PTBP3: variants seen among roughly 807,000 people sequenced by gnomAD.
The protein encoded by PTBP3 is polypyrimidine tract-binding protein 3.
Under a neutral mutation model 58.7 loss-of-function variants are expected in PTBP3, and 20 were observed. The observed-to-expected ratio is 0.34, with a 90% confidence interval of 0.24 to 0.50. PTBP3 has a LOEUF of 0.50. PTBP3 is among the 20% of genes least tolerant of loss of function. PTBP3 has a pLI of 0.98. For synonymous variants in PTBP3, 185 were observed against 219.8 expected (o/e 0.84, Z 1.40); for missense variants, 509 against 637.2 (o/e 0.80, Z 2.17).
At position 112,262,770 on chromosome 9, in the gene PTBP3, C is replaced by G. The variant is rs146274042; in HGVS notation, c.352-171G>C. On this transcript the variant is annotated intron_variant, in intron 4 of 13. Coordinates refer to ENST00000374257, the MANE Select transcript of PTBP3 (RefSeq NM_001163788.4). ...TTGTAATCAGTCAACAGTCAAACAC[C>G]TCCCTGCATACCACAATGACACAGT... 2.2e-3 allele frequency among the ~76,000 whole-genome samples: 341 copies of G among 152,334 alleles called. 1 individual carries two copies. Among genetic ancestry groups the G allele is most frequent in the Middle Eastern group, 3.4e-3 (1 of 294 alleles).
At chr9:112,359,488 T>C in the PTBP3 span, among the ~76,000 whole-genome samples, 1 of 150,690 alleles carries the variant, frequency 6.6e-6, no homozygotes, top group African/African-American at 2.4e-5. Flanking sequence ...GAAAGATGTT[T>C]ATAATATACT....
chr9:112,362,969 G>T, the PTBP3 span: 1 of 253,970 alleles, frequency 3.9e-6, no homozygotes, highest in South Asian at 5.2e-5. Context: ...GACTTGGAAG[G>T]GCTGCTGACA....
chr9:112,344,399 G>T, the PTBP3 span, among the ~76,000 whole-genome samples: 1 of 152,084 alleles, frequency 6.6e-6, no homozygotes, highest in East Asian at 1.9e-4. Flanking sequence ...CACAAGAACA[G>T]GTTGTTATAA....
chr9:112,353,884 G>A, the PTBP3 span, among the ~76,000 whole-genome samples: 115 of 152,078 alleles, frequency 7.6e-4, no homozygotes, highest in African/African-American at 2.7e-3. Flanking sequence ...CTTGAACCCA[G>A]GAGGTAGAGG....
intron 2 of PTBP3, among the ~76,000 whole-genome samples, chr9:112,296,111 G>A (rs779336015): frequency 1.3e-5 from 2 of 152,114 alleles, no homozygotes; most frequent in Non-Finnish European, 2.9e-5. Flanking sequence ...TGTGGGTCAG[G>A]GAAGCTAAAA....
chr9:112,367,962 G>A, the PTBP3 span, among the ~76,000 whole-genome samples: 36 of 152,096 alleles, frequency 2.4e-4, no homozygotes, highest in Non-Finnish European at 4.0e-4. Flanking sequence ...CATGATTCCT[G>A]TAGGCTTTCT....
In PTBP3 at chr9:112,222,041, CCTACAGGCTCAGCCTGTAGCTGGGA is replaced by C. The variant is rs1834825731; in HGVS notation, c.*1785_*1809del. On this transcript the variant is annotated 3_prime_UTR_variant, in exon 14 of 14. Transcript: ENST00000374257. The stretch of plus-strand genomic sequence containing the variant: ...TGATCCTCCTGCCTGTAGCCTCCTG[CCTACAGGCTCAGCCTGTAGCTGGGA>C]CTACAGGCGCACAGGCGCACACCAC... 1 of 939,906 alleles carries C rather than the reference CCTACAGGCTCAGCCTGTAGCTGGGA, an allele frequency of 1.1e-6. No individual in the cohort carries two copies. Among genetic ancestry groups the C allele is most frequent in the African/African-American group, 1.8e-5 (1 of 56,176 alleles). 58.2% of individuals were successfully genotyped at this position (939,906 alleles called of 1,614,324 possible).
At chr9:112,320,318 T>A (rs12377714) in intron 1 of PTBP3, among the ~76,000 whole-genome samples, 21,353 of 57,996 alleles carry the variant, frequency 0.37, 2,339 homozygotes, top group South Asian at 0.43. Context: ...ATATATATTT[T>A]TTTTTAAGTG....
chr9:112,278,040 G>C (rs1308305259), intron 2 of PTBP3, among the ~76,000 whole-genome samples: 1 of 151,484 alleles, frequency 6.6e-6, no homozygotes. Context: ...ACCTAAACAG[G>C]CACCAAATAC....
At chr9:112,281,753 A>G (rs996312941) in intron 2 of PTBP3, among the ~76,000 whole-genome samples, 37 of 152,152 alleles carry the variant, frequency 2.4e-4, no homozygotes, top group African/African-American at 7.7e-4. Context: ...TTGCTTTTGT[A>G]TCAGTTTGGG....
chr9:112,303,470 A>T (rs1829037523), intron 1 of PTBP3, among the ~76,000 whole-genome samples: 1 of 152,234 alleles, frequency 6.6e-6, no homozygotes, highest in African/African-American at 2.4e-5. Context: ...TTTGTGCCTT[A>T]TACTAGATTA....
chr9:112,311,024 AAG>A (rs1340938310), intron 1 of PTBP3, among the ~76,000 whole-genome samples: 4 of 152,204 alleles, frequency 2.6e-5, no homozygotes, highest in African/African-American at 7.2e-5. Flanking sequence ...AAATGAGGGA[AAG>A]AGAGTTTTGA....
the PTBP3 span, among the ~76,000 whole-genome samples, chr9:112,340,389 G>T: frequency 6.6e-6 from 1 of 151,878 alleles, no homozygotes; most frequent in Non-Finnish European, 1.5e-5. Context: ...TCTTGTGTTT[G>T]TTTTTTCTTA....
intron 1 of PTBP3, among the ~76,000 whole-genome samples, chr9:112,330,810 G>A (rs1830339030): frequency 6.6e-6 from 1 of 152,118 alleles, no homozygotes. Context: ...ACCAAAGTTT[G>A]TTCTTTTAAG....
At chr9:112,366,356 C>T in the PTBP3 span, among the ~76,000 whole-genome samples, 1 of 151,908 alleles carries the variant, frequency 6.6e-6, no homozygotes, top group Non-Finnish European at 1.5e-5. Context: ...GTTGCCAGGG[C>T]ATGTCAGAGG....
At chr9:112,359,545 T>C in the PTBP3 span, among the ~76,000 whole-genome samples, 1 of 151,388 alleles carries the variant, frequency 6.6e-6, no homozygotes, top group African/African-American at 2.4e-5. Flanking sequence ...GGCTCACACC[T>C]GTAATCCCAG....
the PTBP3 span, chr9:112,379,818 G>T: frequency 5.7e-5 from 27 of 470,756 alleles, no homozygotes; most frequent in African/African-American, 4.8e-4. Flanking sequence ...AAAGGTGGAC[G>T]TAGCGGCTGA....
At chr9:112,365,397 T>G in the PTBP3 span, among the ~76,000 whole-genome samples, 1 of 152,056 alleles carries the variant, frequency 6.6e-6, no homozygotes, top group South Asian at 2.1e-4. Context: ...TCTCATGAGA[T>G]CTGATGGTTT....
chr9:112,333,561 C>T lies in PTBP3; in HGVS notation c.-143G>A. The stretch of plus-strand genomic sequence containing the variant: ...GCAGGCGGCGGCAGCAGGGCGGTTC[C>T]GGGGACAAGCGAGCTTTGGCTCTGC... On this transcript the variant is annotated 5_prime_UTR_variant, in exon 1 of 14. Transcript: ENST00000374257. 6.7e-7 allele frequency: 1 copy of T among 1,497,956 alleles called. No homozygotes were observed. The highest frequency in any genetic ancestry group is 1.2e-5 in the South Asian group (1 of 84,172). The allele number at this position is 1,497,956 out of a possible 1,614,324, so 92.8% of individuals were successfully genotyped here.
Sources: gnomAD v4.1 joint callset for allele counts (sites outside exome capture counted in the v4.1 genomes callset) on GRCh38, gnomAD v4.1.1 for gene constraint, MANE v1.5 for transcripts, NCBI Gene and HGNC (gene_info 2026-07-23, HGNC 2026-07-21) for gene names.